JAKMIP3: variants seen among roughly 807,000 people sequenced by gnomAD.
JAKMIP3 encodes the protein Janus kinase and microtubule interacting protein 3.
Under a neutral mutation model 118.5 loss-of-function variants are expected in JAKMIP3, and 58 were observed. The observed-to-expected ratio is 0.49, with a 90% CI of 0.40 to 0.61. JAKMIP3 has a LOEUF of 0.61. Among genes scored for constraint, JAKMIP3 ranks in the 20% least tolerant of loss-of-function variants. JAKMIP3 has a pLI of 0.00. For missense variants in JAKMIP3, 950 were observed against 1,109.0 expected (o/e 0.86, Z 2.04); for synonymous variants, 486 against 451.2 (o/e 1.08, Z -0.98).
At chr10:132,175,482 G>A (rs1212852284) in intron 23 of JAKMIP3, among the ~76,000 whole-genome samples, 1 of 152,170 alleles carries the variant, frequency 6.6e-6, no homozygotes, top group Non-Finnish European at 1.5e-5. Flanking sequence ...CAGGGATGCT[G>A]GTGGGGTCCC....
rs2061665061 is a variant in JAKMIP3, at chr10:132,183,924, T to C, written c.*2671T>C. The C allele has an allele frequency of 6.6e-6, 1 of 152,298 alleles. No homozygotes were observed. The highest frequency in any genetic ancestry group is 2.1e-4 in the South Asian group (1 of 4,820). 9.4% of individuals were successfully genotyped at this position (152,298 alleles called of 1,614,324 possible). A position where few individuals can be genotyped will look rare whatever the true frequency, so the allele number is the denominator to read the frequency against. On this transcript the variant is annotated 3_prime_UTR_variant, in exon 24 of 24. Coordinates refer to ENST00000684848, the MANE Select transcript of JAKMIP3 (RefSeq NM_001323087.2). ...GGCTATACCTTCTTTTCCAAACCAA[T>C]GGGCTAGAGTGAATTTCCTCCAAGT... is the stretch of plus-strand genomic sequence containing the variant.
At chr10:132,180,350 T>G (rs1329515078) in intron 23 of JAKMIP3, among the ~76,000 whole-genome samples, 1 of 146,060 alleles carries the variant, frequency 6.8e-6, no homozygotes, top group South Asian at 2.3e-4. Context: ...GCCTCCCACC[T>G]GTCCTGTGCC....
At chr10:132,111,048 A>G (rs2046785647) in intron 2 of JAKMIP3, among the ~76,000 whole-genome samples, 1 of 152,180 alleles carries the variant, frequency 6.6e-6, no homozygotes, top group Non-Finnish European at 1.5e-5. Context: ...TTGGAACTGT[A>G]CCCTGGATGA....
chr10:132,085,863 A>G (rs1240567482), intron 1 of JAKMIP3, among the ~76,000 whole-genome samples: 2 of 151,908 alleles, frequency 1.3e-5, no homozygotes, highest in Admixed American at 6.6e-5. Context: ...TTTTGTTTCA[A>G]TTTCATTTAG....
intron 23 of JAKMIP3, among the ~76,000 whole-genome samples, chr10:132,173,646 A>T (rs1036598795): frequency 2.0e-5 from 3 of 152,020 alleles, no homozygotes; most frequent in African/African-American, 4.8e-5. Flanking sequence ...TCTTTGAAAA[A>T]ATTTACATGT....
intron 3 of JAKMIP3, among the ~76,000 whole-genome samples, chr10:132,128,042 C>T (rs1000989620): frequency 2.0e-5 from 3 of 152,178 alleles, no homozygotes; most frequent in Non-Finnish European, 2.9e-5. Context: ...AATTTCTTAT[C>T]TGCAGTCTTT....
chr10:132,099,224 GCCT>G (rs1282638947), intron 1 of JAKMIP3, among the ~76,000 whole-genome samples: 6 of 152,098 alleles, frequency 3.9e-5, no homozygotes, highest in Non-Finnish European at 8.8e-5. Context: ...AAGGGGGCCA[GCCT>G]CCTCGTCAGC....
intron 1 of JAKMIP3, among the ~76,000 whole-genome samples, chr10:132,058,408 C>T (rs959570764): frequency 2.0e-5 from 3 of 152,188 alleles, no homozygotes; most frequent in African/African-American, 7.2e-5. Context: ...CGGCCTCCAT[C>T]GGGAAGAGGT....
In JAKMIP3 at chr10:132,153,986, A is replaced by C; in HGVS notation, c.2216A>C (p.Asn739Thr). 1 of 1,612,892 alleles carries C rather than the reference A, an allele frequency of 6.2e-7. No individual in the cohort carries two copies. Among genetic ancestry groups the C allele is most frequent in the Non-Finnish European group, 8.5e-7 (1 of 1,179,796 alleles). ...CGGAAACAGGCCTTGGACCAGGCCA[A>C]CAAGGTGAGAGGCACGAGACTGCTG... ...DYRKQALDQA[N>T]KHILELEAML... The change falls in exon 19 of 24, where the codon AAC becomes ACC. Residue 739 changes from asparagine (N) to threonine (T), a missense_variant. Physicochemically the swap from Asn to Thr is moderately conservative, Grantham distance 65. Coordinates refer to ENST00000684848, the MANE Select transcript of JAKMIP3 (RefSeq NM_001323087.2).
intron 3 of JAKMIP3, among the ~76,000 whole-genome samples, chr10:132,129,125 A>G (rs2818393): frequency 0.78 from 119,281 of 152,166 alleles, 47,843 homozygotes; most frequent in East Asian, 0.99. Flanking sequence ...CAAGCAGACA[A>G]GTACTGACCA....
At chr10:132,101,204 T>C (rs1296865618) in intron 1 of JAKMIP3, among the ~76,000 whole-genome samples, 5 of 152,074 alleles carry the variant, frequency 3.3e-5, no homozygotes, top group African/African-American at 9.7e-5. Context: ...AGGTTTTAGC[T>C]TTCTATACTT....
Position 132,137,067 on chromosome 10 carries a change from G to A in JAKMIP3, c.1165G>A (p.Asp389Asn), listed in dbSNP as rs1228570856. Residue 389 changes from aspartate to asparagine, a missense_variant, in exon 7 of 24, where the codon GAT (aspartate) becomes AAT (asparagine). Coordinates refer to ENST00000684848, the MANE Select transcript of JAKMIP3 (RefSeq NM_001323087.2). ...GAGACCCAGTTCCTTGAATGACCTT[G>A]ATCAAAGTCAGGATGAGAGAGAAGT... The part of the protein sequence containing the change: ...IRRPSSLNDL[D>N]QSQDEREVDF... The A allele has an allele frequency of 1.2e-6, 2 of 1,613,824 alleles. No homozygotes were observed. The highest frequency in any genetic ancestry group is 3.3e-5 in the Admixed American group (2 of 60,000).
intron 2 of JAKMIP3, among the ~76,000 whole-genome samples, chr10:132,109,776 C>A (rs981356764): frequency 1.6e-4 from 25 of 152,326 alleles, no homozygotes; most frequent in African/African-American, 5.8e-4. Flanking sequence ...CTATGGGAAG[C>A]CTTCGGGGCC....
Position 132,152,985 on chromosome 10 carries a change from G to A in JAKMIP3, c.2035G>A (p.Val679Ile). ...CCTGACCAATGAGGAGCAGGTGGTT[G>A]TCATACAAGCCAGGACAGTCCTGAC... The part of the protein sequence containing the change: ...SNLTNEEQVV[V>I]IQARTVLTLA... The change falls in exon 17 of 24, where the codon GTC becomes ATC. Residue 679 changes from valine (V) to isoleucine (I), a missense_variant. Physicochemically the swap from Val to Ile is conservative, Grantham distance 29 (BLOSUM62 3). Transcript: ENST00000684848. The A allele has an allele frequency of 6.2e-7, 1 of 1,608,844 alleles. No individual in the cohort carries two copies. Among genetic ancestry groups the A allele is most frequent in the Non-Finnish European group, 8.5e-7 (1 of 1,178,122 alleles).
chr10:132,168,043 G>T lies in JAKMIP3; in HGVS notation c.*113G>T. 1 of 1,289,650 alleles carries T rather than the reference G, an allele frequency of 7.8e-7. No homozygotes were observed. Among genetic ancestry groups the T allele is most frequent in the Non-Finnish European group, 1.0e-6 (1 of 988,860 alleles). The allele number at this position is 1,289,650 out of a possible 1,614,324, so 79.9% of individuals were successfully genotyped here. On this transcript the variant is annotated 3_prime_UTR_variant, in exon 23 of 24. Transcript: ENST00000684848. ...CGTCTCCATCCTGAAGACCCAGGGA[G>T]ATTTGGTCTCTGCACGCCCGTCCCG...
At chr10:132,176,877 C>G (rs1052590001) in intron 23 of JAKMIP3, among the ~76,000 whole-genome samples, 2 of 152,028 alleles carry the variant, frequency 1.3e-5, no homozygotes, top group African/African-American at 2.4e-5. Context: ...CCTCATGGGT[C>G]ACATTAGGAG....
At chr10:132,080,162 T>G (rs756059256) in intron 1 of JAKMIP3, among the ~76,000 whole-genome samples, 34 of 152,192 alleles carry the variant, frequency 2.2e-4, no homozygotes, top group Non-Finnish European at 3.7e-4. Flanking sequence ...TGGGCAACAG[T>G]GTGAGACCCC....
chr10:132,052,715 T>A (rs766993770), intron 1 of JAKMIP3, among the ~76,000 whole-genome samples: 3 of 152,232 alleles, frequency 2.0e-5, no homozygotes, highest in Non-Finnish European at 4.4e-5. Context: ...ATTTGTTATT[T>A]CTAAGAGTGT....
intron 1 of JAKMIP3, among the ~76,000 whole-genome samples, chr10:132,047,284 T>G (rs938054608): frequency 6.6e-6 from 1 of 152,202 alleles, no homozygotes; most frequent in Non-Finnish European, 1.5e-5. Flanking sequence ...GCATTGGCTA[T>G]CCATAGCTAA....
Sources: gnomAD v4.1 joint callset for allele counts (sites outside exome capture counted in the v4.1 genomes callset) on GRCh38, gnomAD v4.1.1 for gene constraint, MANE v1.5 for transcripts, NCBI Gene and HGNC (gene_info 2026-07-23, HGNC 2026-07-21) for gene names.